The following PPP1R13L variants were observed in gnomAD, a reference collection of about 807,000 sequenced individuals.
The protein encoded by PPP1R13L is relA-associated inhibitor.
PPP1R13L carries 50 observed loss-of-function variants against 80.9 expected under a neutral mutation model. The observed-to-expected ratio is 0.62, with a 90% CI of 0.49 to 0.78. PPP1R13L has a LOEUF of 0.78. PPP1R13L is among the 30% of genes least tolerant of loss of function. The pLI is 0.00. For missense variants in PPP1R13L, 1,200 were observed against 1,205.9 expected, an observed-to-expected ratio of 1.00 and a Z score of 0.07; for synonymous variants, 602 against 534.3, an observed-to-expected ratio of 1.13 and a Z score of -1.75.
chr19:45,403,902 CG>C (rs1473005769), intron 1 of PPP1R13L, among the ~76,000 whole-genome samples: 1 of 152,008 alleles, frequency 6.6e-6, no homozygotes, highest in Non-Finnish European at 1.5e-5. Flanking sequence ...GCCCTCCCCC[CG>C]CCTCAAGGAC....
rs1436722902 is a variant in PPP1R13L at position 45,396,464 on chromosome 19, G to C, written c.713-28C>G. On this transcript the variant is annotated intron_variant, in intron 4 of 12. Coordinates refer to ENST00000360957, the MANE Select transcript of PPP1R13L (RefSeq NM_006663.4). The surrounding 1 kb of genome is among the most constrained non-coding windows in gnomAD (Gnocchi z 5.3). ...GGGGAGAAGTTTCCAGGGAGGATGA[G>C]ACGGGAGGGGTGGCGAGCCCCGGAT... 1 of 1,613,328 alleles carries C rather than the reference G, an allele frequency of 6.2e-7. No homozygotes were observed. Among genetic ancestry groups the C allele is most frequent in the Non-Finnish European group, 8.5e-7 (1 of 1,179,838 alleles).
rs757882204 is a variant in PPP1R13L, at chr19:45,392,468, C to G, written c.1355-128G>C. 19 of 924,398 alleles carry G rather than the reference C, an allele frequency of 2.1e-5. No individual in the cohort carries two copies. The South Asian group carries it at 2.7e-4, about 13-fold the overall frequency. The allele number at this position is 924,398 out of a possible 1,614,324, so 57.3% of individuals were successfully genotyped here. A position where few individuals can be genotyped will look rare whatever the true frequency, so the allele number is the denominator to read the frequency against. On this transcript the variant is annotated intron_variant, in intron 7 of 12. Transcript: ENST00000360957. ...TGACCTCAGGGAAGTTCCTTGCCCT[C>G]TCTGGGCTACACTTTCCTTGGGCTG...
rs1318970413 is a variant in PPP1R13L, at chr19:45,392,002, C to G, written c.1693G>C (p.Glu565Gln). 6.5e-7 allele frequency: 1 copy of G among 1,537,692 alleles called. No homozygotes were observed. Among genetic ancestry groups the G allele is most frequent in the Admixed American group, 2.1e-5 (1 of 46,554 alleles). ...GATCCCTCAGTGATGGGGGACAGCT[C>G]TGGCTCCGGCCCCCCGGGCCCTGGC... ...GGPGPGGPEP[E>Q]LSPITEGSEA... The change falls in exon 8 of 13, where the codon GAG (glutamate) becomes CAG (glutamine). Residue 565 changes from glutamate (E) to glutamine (Q), a missense_variant. Transcript: ENST00000360957.
chr19:45,398,126 T>A lies in PPP1R13L; in HGVS notation c.77A>T (p.Asp26Val), dbSNP rs1021112589. The change falls in exon 3 of 13, where the codon GAT becomes GTT. Residue 26 changes from aspartate (D) to valine (V), a missense_variant. Physicochemically the swap from Asp to Val is radical, Grantham distance 152. Around this residue, in one of 5 missense-constraint regions of PPP1R13L, gnomAD observed 764 missense variants for 714.5 expected, o/e 1.07. Coordinates refer to ENST00000360957, the MANE Select transcript of PPP1R13L (RefSeq NM_006663.4). ...CGTGTCCAGCTCCATCTGCTTCAGA[T>A]CCATGTGTTTCATGGCCAGCGCTGG... ...NFQSLAMKHM[D>V]LKQMELDTAA... is the part of the protein sequence containing the mutation. The A allele has an allele frequency of 6.2e-7, 1 of 1,614,122 alleles. No homozygotes were observed. Among genetic ancestry groups the A allele is most frequent in the Non-Finnish European group, 8.5e-7 (1 of 1,179,984 alleles).
chr19:45,380,337 GCACCTCCCAAA>G, intron 12 of PPP1R13L, 109 bp from the exon 13 acceptor site: 1 of 1,292,124 alleles, frequency 7.7e-7, no homozygotes, highest in African/African-American at 1.5e-5. Context: ...GGACCTCTCA[GCACCTCCCAAA>G]CTGCTCCAGA....
Position 45,386,129 on chromosome 19 carries a change from C to T in PPP1R13L, c.1867G>A (p.Ala623Thr), listed in dbSNP as rs1972864187. The T allele has an allele frequency of 1.3e-6, 2 of 1,545,448 alleles. No homozygotes were observed. The highest frequency in any genetic ancestry group is 1.7e-6 in the Non-Finnish European group (2 of 1,157,954). ...KAGSPRKARRARLNPLVLLLD... is the reference protein window; with the variant it reads ...KAGSPRKARRTRLNPLVLLLD... ...AGGAGCACCAGAGGGTTGAGGCGCG[C>T]GCGGCGGGCCTTGCGCGGGGAGCCC... Residue 623 changes from alanine (A) to threonine (T), a missense_variant, in exon 9 of 13, where the codon GCG becomes ACG. Physicochemically the swap from Ala to Thr is moderately conservative, Grantham distance 58. Transcript: ENST00000360957.
In PPP1R13L at chr19:45,396,494, C is replaced by A; in HGVS notation, c.712+51G>T. On this transcript the variant is annotated intron_variant, in intron 4 of 12. Coordinates refer to ENST00000360957, the MANE Select transcript of PPP1R13L (RefSeq NM_006663.4). This position sits in a 1 kb window ranked among gnomAD's most constrained non-coding sequence, Gnocchi z 5.3. ...GAGGGGTGGCGAGCCCCGGATCCTG[C>A]CCGCTTTGACCCCGCGAGTCAAAGG... is the stretch of plus-strand genomic sequence containing the variant. 9 of 1,607,526 alleles carry A rather than the reference C, an allele frequency of 5.6e-6. No individual in the cohort carries two copies. Among genetic ancestry groups the A allele is most frequent in the Non-Finnish European group, 6.8e-6 (8 of 1,177,582 alleles).
intron 8 of PPP1R13L, among the ~76,000 whole-genome samples, chr19:45,391,108 G>A (rs1972963731): frequency 6.6e-6 from 1 of 151,944 alleles, no homozygotes; most frequent in Non-Finnish European, 1.5e-5. Context: ...TAAAGCGGGA[G>A]GATGGCTTGA....
At chr19:45,405,332 T>C (rs183601244), upstream of PPP1R13L, among the ~76,000 whole-genome samples, 14 of 152,320 alleles carry the variant, frequency 9.2e-5, no homozygotes, top group East Asian at 2.5e-3. Context: ...GGCTGGAGAC[T>C]GACTCCTGAG....
chr19:45,385,415 G>T, intron 11 of PPP1R13L, 147 bp downstream of exon 11: 4 of 998,052 alleles, frequency 4.0e-6, no homozygotes, highest in Non-Finnish European at 4.3e-6. Context: ...CCCGCAAGCG[G>T]TCCATCCCTC....
At chr19:45,383,773 C>T (rs535850599) in intron 11 of PPP1R13L, among the ~76,000 whole-genome samples, 39 of 151,232 alleles carry the variant, frequency 2.6e-4, no homozygotes, top group African/African-American at 8.8e-4. Context: ...CTTTTCTTTT[C>T]TTTTTGGAGA....
chr19:45,399,325 T>C (rs1973181682), intron 1 of PPP1R13L, among the ~76,000 whole-genome samples: 1 of 149,320 alleles, frequency 6.7e-6, no homozygotes, highest in Admixed American at 6.7e-5. Context: ...ATGTAGTAAA[T>C]GTAGTAAAAA....
intron 8 of PPP1R13L, among the ~76,000 whole-genome samples, chr19:45,389,512 T>A (rs1157658615): frequency 6.6e-6 from 1 of 152,128 alleles, no homozygotes; most frequent in Non-Finnish European, 1.5e-5. Context: ...AGCACTACAT[T>A]AATGTATTTA....
At chr19:45,390,421 C>T (rs1427623514) in intron 8 of PPP1R13L, among the ~76,000 whole-genome samples, 3 of 152,094 alleles carry the variant, frequency 2.0e-5, no homozygotes, top group Non-Finnish European at 4.4e-5. Flanking sequence ...TAATATTAAT[C>T]CCTGACCAAA....
intron 1 of PPP1R13L, among the ~76,000 whole-genome samples, chr19:45,399,298 C>A (rs932115245): frequency 6.7e-6 from 1 of 150,306 alleles, no homozygotes; most frequent in African/African-American, 2.4e-5. Flanking sequence ...GAACCCATGC[C>A]TACTGCTTGG....
In PPP1R13L at chr19:45,380,070, A is replaced by C; in HGVS notation, c.*120T>G. The C allele has an allele frequency of 4.5e-6, 5 of 1,122,394 alleles. No homozygotes were observed. Among genetic ancestry groups the C allele is most frequent in the Non-Finnish European group, 6.5e-6 (5 of 765,732 alleles). The allele number at this position is 1,122,394 out of a possible 1,614,324, so 69.5% of individuals were successfully genotyped here. On this transcript the variant is annotated 3_prime_UTR_variant, in exon 13 of 13. Transcript: ENST00000360957. The stretch of plus-strand genomic sequence containing the variant: ...TCCAGGAGAACAGAGAACCGGTGGC[A>C]AGGACCACCACCAGCAGGGTGAGGG...
rs764570142 is a variant in PPP1R13L at position 45,395,801 on chromosome 19, C to A, written c.989G>T (p.Arg330Leu). The A allele has an allele frequency of 5.7e-6, 9 of 1,582,624 alleles. No homozygotes were observed. The highest frequency in any genetic ancestry group is 2.3e-5 in the East Asian group (1 of 43,950). Reference sequence around the variant, plus strand: ...CGGCCCCGCGGAGCCCAGCGAGCGCCGGTAGCTGCCCGCGTCTGAACGCCG... The same window carrying A: ...CGGCCCCGCGGAGCCCAGCGAGCGCAGGTAGCTGCCCGCGTCTGAACGCCG... ...SDRRSDAGSY[R>L]RSLGSAGPSG... Residue 330 changes from arginine to leucine, a missense_variant, in exon 7 of 13, where the codon CGG becomes CTG. Arg to Leu is a moderately radical substitution (Grantham distance 102, BLOSUM62 -2). Transcript: ENST00000360957.
chr19:45,396,197 T>C lies in PPP1R13L; in HGVS notation c.874A>G (p.Ser292Gly), dbSNP rs773761535. 11 of 1,611,338 alleles carry C rather than the reference T, an allele frequency of 6.8e-6. No homozygotes were observed. The highest frequency in any genetic ancestry group is 8.5e-6 in the Non-Finnish European group (10 of 1,179,538). The stretch of plus-strand genomic sequence containing the variant: ...CCGGTGCCCCCCAGTCCATCCAGGC[T>C]GCTCTCCCTCCAAGGCAACAGCTGC... ...SLQLLPWRES[S>G]LDGLGGTGKD... Residue 292 changes from serine to glycine, a missense_variant, in exon 6 of 13, where the codon AGC becomes GGC. Coordinates refer to ENST00000360957, the MANE Select transcript of PPP1R13L (RefSeq NM_006663.4). This position sits in a 1 kb window ranked among gnomAD's most constrained non-coding sequence, Gnocchi z 5.3.
rs1230594285 is a variant in PPP1R13L, at chr19:45,391,889, CGGCTGCTCTGGTG to C, written c.1793_1805del (p.Pro598ArgfsTer35). 2.0e-6 allele frequency: 3 copies of C among 1,479,918 alleles called. No homozygotes were observed. Among genetic ancestry groups the C allele is most frequent in the Non-Finnish European group, 2.7e-6 (3 of 1,119,746 alleles). The allele number at this position is 1,479,918 out of a possible 1,614,324, so 91.7% of individuals were successfully genotyped here. Reference sequence around the variant, plus strand: ...CTCCTGTATTACTTACCATGCTCTGCGGCTGCTCTGGTGGGCTGCTCTGGGACGGGGCCGGGGG... The same window carrying C: ...CTCCTGTATTACTTACCATGCTCTGCGGCTGCTCTGGGACGGGGCCGGGGG... On this transcript the variant is annotated frameshift_variant, in exon 8 of 13. Coordinates refer to ENST00000360957, the MANE Select transcript of PPP1R13L (RefSeq NM_006663.4). LOFTEE classifies it high-confidence loss of function.
Sources: gnomAD v4.1 joint callset for allele counts (sites outside exome capture counted in the v4.1 genomes callset) on GRCh38, gnomAD v4.1.1 for gene constraint, gnomAD v4.1.1 regional missense constraint, Gnocchi (gnomAD v3.1) non-coding constraint, MANE v1.5 for transcripts, NCBI Gene and HGNC (gene_info 2026-07-23, HGNC 2026-07-21) for gene names.